GALNT3: variants seen among roughly 807,000 people sequenced by gnomAD.
GALNT3 encodes the protein GalNAc transferase 3.
Under a neutral mutation model 69.8 loss-of-function variants are expected in GALNT3, and 51 were observed. The ratio of observed to expected loss-of-function variants is 0.73; its 90% CI spans 0.58 to 0.92. GALNT3 has a LOEUF of 0.92. GALNT3 is among the 40% of genes least tolerant of loss of function. The probability of loss-of-function intolerance (pLI) is 0.00; values close to 1 mark genes in which losing one functional copy is unlikely to be tolerated. For missense variants in GALNT3, 711 were observed against 760.0 expected (o/e 0.94, Z 0.76); for synonymous variants, 265 against 248.5 (o/e 1.07, Z -0.63).
intron 1 of GALNT3, among the ~76,000 whole-genome samples, chr2:165,786,118 G>A (rs1366237245): frequency 6.6e-6 from 1 of 152,198 alleles, no homozygotes; most frequent in Middle Eastern, 3.2e-3. Context: ...GAGAGTAGAG[G>A]TGGCTGTGTA....
chr2:165,784,173 C>T (rs985755921), intron 1 of GALNT3, among the ~76,000 whole-genome samples: 1 of 152,196 alleles, frequency 6.6e-6, no homozygotes, highest in Non-Finnish European at 1.5e-5. Flanking sequence ...ACTAAACACA[C>T]ACTGGATGCC....
At chr2:165,754,182 G>A (rs1200118945) in intron 9 of GALNT3, among the ~76,000 whole-genome samples, 4 of 149,194 alleles carry the variant, frequency 2.7e-5, no homozygotes, top group South Asian at 2.1e-4. Flanking sequence ...CTCCACCTCC[G>A]TGGTTCAAGC....
At chr2:165,761,128 C>A (rs916042549) in intron 4 of GALNT3, among the ~76,000 whole-genome samples, 83 of 115,738 alleles carry the variant, frequency 7.2e-4, no homozygotes, top group Non-Finnish European at 1.3e-3. Flanking sequence ...AAAAAAAAAA[C>A]ACACACACAA....
chr2:165,765,597 C>G (rs1042127214), intron 2 of GALNT3, among the ~76,000 whole-genome samples: 1 of 151,844 alleles, frequency 6.6e-6, no homozygotes, highest in Non-Finnish European at 1.5e-5. Flanking sequence ...TCACGCATTT[C>G]TCCTGCCTCA....
chr2:165,774,909 CTTTT>C (rs71031204), intron 1 of GALNT3, among the ~76,000 whole-genome samples: 7 of 104,330 alleles, frequency 6.7e-5, no homozygotes, highest in African/African-American at 2.3e-4. Flanking sequence ...CTTCTTCTCT[CTTTT>C]TTTTTTTTTT....
Position 165,770,274 on chromosome 2 carries a change from G to A in GALNT3, c.427C>T (p.Arg143Cys), listed in dbSNP as rs1166744865. Residue 143 changes from arginine (R) to cysteine (C), a missense_variant, in exon 2 of 11, where the codon CGT becomes TGT. Arg to Cys is a radical substitution (Grantham distance 180). Transcript: ENST00000392701. ...LSVEEQKEKE[R>C]GEAKHCFNAF... The stretch of plus-strand genomic sequence containing the variant: ...TTAAAGCAGTGTTTAGCTTCCCCAC[G>A]TTCCTTTTCCTTTTGCTCTTCAACA... 13 of 1,613,950 alleles carry A rather than the reference G, an allele frequency of 8.1e-6. No homozygotes were observed. Among genetic ancestry groups the A allele is most frequent in the Middle Eastern group, 1.6e-4 (1 of 6,084 alleles).
chr2:165,779,330 T>C (rs964314400), intron 1 of GALNT3, among the ~76,000 whole-genome samples: 1 of 152,152 alleles, frequency 6.6e-6, no homozygotes, highest in African/African-American at 2.4e-5. Context: ...TACAGTAAAT[T>C]TGGAACTAAG....
intron 1 of GALNT3, among the ~76,000 whole-genome samples, chr2:165,772,310 A>G (rs1288715532): frequency 6.6e-6 from 1 of 152,090 alleles, no homozygotes; most frequent in Non-Finnish European, 1.5e-5. Context: ...ACAGGCTTGG[A>G]ACAGTGGCTC....
intron 1 of GALNT3, among the ~76,000 whole-genome samples, chr2:165,776,657 G>C (rs1292924002): frequency 6.6e-6 from 1 of 151,998 alleles, no homozygotes; most frequent in East Asian, 1.9e-4. Context: ...TCTGTAACCT[G>C]GTATATATGT....
chr2:165,764,785 G>T, intron 3 of GALNT3, 99 bp downstream of exon 3: 1 of 1,178,094 alleles, frequency 8.5e-7, no homozygotes, highest in Non-Finnish European at 1.3e-6. Flanking sequence ...TTATATTCAA[G>T]CTCTGAGATG....
chr2:165,758,457 T>G (rs1361356192), intron 6 of GALNT3, among the ~76,000 whole-genome samples: 1 of 152,216 alleles, frequency 6.6e-6, no homozygotes, highest in Non-Finnish European at 1.5e-5. Context: ...AGCACTAGAT[T>G]TAATTATATT....
intron 2 of GALNT3, among the ~76,000 whole-genome samples, chr2:165,768,114 C>T (rs1688680668): frequency 1.3e-5 from 2 of 152,106 alleles, no homozygotes; most frequent in Admixed American, 1.3e-4. Context: ...GCCTTTAATC[C>T]CAGCACTTTG....
chr2:165,781,060 A>G (rs1260149129), intron 1 of GALNT3, among the ~76,000 whole-genome samples: 10 of 152,162 alleles, frequency 6.6e-5, no homozygotes, highest in Non-Finnish European at 1.3e-4. Context: ...AGATGTCTGT[A>G]TTGTGATTCT....
intron 1 of GALNT3, among the ~76,000 whole-genome samples, chr2:165,788,468 T>G (rs548802580): frequency 4.3e-4 from 50 of 117,092 alleles, no homozygotes; most frequent in African/African-American, 1.5e-3. Flanking sequence ...TCCAAAAGGG[T>G]GTGTGTGTGT....
At chr2:165,788,403 T>A (rs1683270487) in intron 1 of GALNT3, among the ~76,000 whole-genome samples, 1 of 151,578 alleles carries the variant, frequency 6.6e-6, no homozygotes, top group Admixed American at 6.6e-5. Context: ...ACCCCAAAAT[T>A]TTTATTCCAC....
chr2:165,761,618 A>G (rs1688549193), intron 4 of GALNT3: 1 of 294,090 alleles, frequency 3.4e-6, no homozygotes, highest in Non-Finnish European at 6.0e-6. Context: ...AGAAACATGG[A>G]AAAAAAAAAA....
chr2:165,785,387 A>T (rs918917150), intron 1 of GALNT3, among the ~76,000 whole-genome samples: 3 of 152,306 alleles, frequency 2.0e-5, no homozygotes, highest in Middle Eastern at 3.4e-3. Flanking sequence ...TTATATTTTT[A>T]AAAAATAGCA....
At chr2:165,766,343 C>T (rs900309260) in intron 2 of GALNT3, among the ~76,000 whole-genome samples, 1 of 152,190 alleles carries the variant, frequency 6.6e-6, no homozygotes, top group Non-Finnish European at 1.5e-5. Context: ...ATTAGTGGTA[C>T]TACTATCCAT....
intron 2 of GALNT3, among the ~76,000 whole-genome samples, chr2:165,767,872 T>C (rs1258924819): frequency 1.8e-5 from 1 of 55,268 alleles, no homozygotes; most frequent in Non-Finnish European, 5.6e-5. Context: ...AACAAATCTT[T>C]TTTTTTTTTT....
Sources: allele counts gnomAD v4.1 joint callset (sites outside exome capture counted in the v4.1 genomes callset), GRCh38; gene constraint gnomAD v4.1.1; transcripts MANE v1.5; gene names NCBI Gene and HGNC (gene_info 2026-07-23, HGNC 2026-07-21).